The following C8orf34 variants were observed in gnomAD, a reference collection of about 807,000 sequenced individuals.
C8orf34 encodes chromosome 8 open reading frame 34, also known as uncharacterized protein C8orf34.
Under a neutral mutation model 68.3 loss-of-function variants are expected in C8orf34, and 65 were observed. The ratio of observed to expected loss-of-function variants is 0.95; its 90% confidence interval spans 0.78 to 1.17. The LOEUF is 1.17. C8orf34 is among the 50% of genes most tolerant of loss of function. The pLI, the probability that C8orf34 is intolerant of heterozygous loss-of-function variation, is 0.00. For missense variants in C8orf34, 664 were observed against 655.4 expected, an observed-to-expected ratio of 1.01 and a Z score of -0.14; for synonymous variants, 244 against 241.2, an observed-to-expected ratio of 1.01 and a Z score of -0.11.
At chr8:68,614,848 G>C (rs1176698467) in intron 7 of C8orf34, among the ~76,000 whole-genome samples, 2 of 150,660 alleles carry the variant, frequency 1.3e-5, no homozygotes, top group Non-Finnish European at 3.0e-5. Context: ...AGCTTGATGG[G>C]GATGACATTG....
intron 1 of C8orf34, among the ~76,000 whole-genome samples, chr8:68,421,104 CAT>C (rs1809949506): frequency 6.6e-6 from 1 of 152,072 alleles, no homozygotes. Context: ...CACATGTAAA[CAT>C]ATGGTAAAAT....
intron 1 of C8orf34, among the ~76,000 whole-genome samples, chr8:68,404,489 A>G (rs893968924): frequency 2.0e-5 from 3 of 152,040 alleles, no homozygotes; most frequent in Non-Finnish European, 4.4e-5. Flanking sequence ...GTTTTCTTCT[A>G]GGGTTTTTAT....
intron 7 of C8orf34, among the ~76,000 whole-genome samples, chr8:68,612,632 A>G (rs956437329): frequency 2.6e-5 from 4 of 152,312 alleles, no homozygotes; most frequent in African/African-American, 9.6e-5. Context: ...TTTATTAAAC[A>G]TCTATCATAT....
At chr8:68,488,197 C>T (rs2129631583) in intron 5 of C8orf34, 146 bp downstream of exon 5, 3 of 570,188 alleles carry the variant, frequency 5.3e-6, no homozygotes, top group Admixed American at 7.7e-5. Flanking sequence ...AAGTTAAATG[C>T]ATATTGTTTT....
intron 7 of C8orf34, among the ~76,000 whole-genome samples, chr8:68,546,608 T>C (rs910788711): frequency 1.3e-5 from 2 of 151,826 alleles, no homozygotes; most frequent in East Asian, 1.9e-4. Context: ...ATATAGAAGA[T>C]TGGAATAACA....
At chr8:68,599,024 AG>A (rs1817624626) in intron 7 of C8orf34, among the ~76,000 whole-genome samples, 1 of 152,022 alleles carries the variant, frequency 6.6e-6, no homozygotes. Flanking sequence ...GAATTCTAGT[AG>A]AAAAAGAAAA....
chr8:68,697,041 C>CT (rs992305395), intron 8 of C8orf34, among the ~76,000 whole-genome samples: 1 of 151,758 alleles, frequency 6.6e-6, no homozygotes, highest in Non-Finnish European at 1.5e-5. Context: ...TAACTTTTAA[C>CT]TTTTTTTTAT....
rs1482733426 is a variant in C8orf34, at chr8:68,331,353, G to T, written c.327+14G>T. On this transcript the variant is annotated intron_variant, in intron 1 of 13. Transcript: ENST00000518698. ...CCCCTGTTTGAGGTAAGGCGCTGTG[G>T]AGGAGGGCAGTCCCGTTGTCTTTAG... 1.3e-6 allele frequency: 2 copies of T among 1,535,816 alleles called. No homozygotes were observed. Among genetic ancestry groups the T allele is most frequent in the Non-Finnish European group, 1.7e-6 (2 of 1,146,484 alleles).
chr8:68,746,642 G>C (rs1222088225), intron 10 of C8orf34, among the ~76,000 whole-genome samples: 1 of 148,848 alleles, frequency 6.7e-6, no homozygotes, highest in Non-Finnish European at 1.5e-5. Context: ...AGAAGAAATG[G>C]ATAAATTCCT....
intron 10 of C8orf34, among the ~76,000 whole-genome samples, chr8:68,760,614 TA>T (rs1822997964): frequency 6.6e-6 from 1 of 152,220 alleles, no homozygotes; most frequent in African/African-American, 2.4e-5. Flanking sequence ...TATTACTTAT[TA>T]AATTCTCATA....
At chr8:68,395,711 C>T (rs1441278382) in intron 1 of C8orf34, among the ~76,000 whole-genome samples, 1 of 152,056 alleles carries the variant, frequency 6.6e-6, no homozygotes, top group Non-Finnish European at 1.5e-5. Context: ...ACAACTGTTA[C>T]ATTAGAACTA....
chr8:68,480,713 C>T (rs1365624056), intron 4 of C8orf34, among the ~76,000 whole-genome samples: 1 of 151,950 alleles, frequency 6.6e-6, no homozygotes, highest in African/African-American at 2.4e-5. Context: ...AAGAGACTGG[C>T]AGCATTTTAT....
chr8:68,443,842 TA>T (rs767511331), intron 2 of C8orf34, among the ~76,000 whole-genome samples: 20 of 152,188 alleles, frequency 1.3e-4, no homozygotes, highest in Admixed American at 3.3e-4. Context: ...ATTTTCTCCT[TA>T]AAAGTCTATC....
intron 1 of C8orf34, among the ~76,000 whole-genome samples, chr8:68,430,868 T>A (rs1451033332): frequency 6.6e-6 from 1 of 152,094 alleles, no homozygotes. Flanking sequence ...ACCCCTCTTC[T>A]CTAAACATTT....
intron 8 of C8orf34, among the ~76,000 whole-genome samples, chr8:68,694,512 T>C (rs1416201319): frequency 2.6e-5 from 4 of 152,130 alleles, no homozygotes; most frequent in South Asian, 2.1e-4. Flanking sequence ...TAATATCTAT[T>C]CTTGCTTAAA....
intron 5 of C8orf34, among the ~76,000 whole-genome samples, chr8:68,521,016 A>C (rs1376579671): frequency 6.6e-6 from 1 of 152,238 alleles, no homozygotes; most frequent in African/African-American, 2.4e-5. Flanking sequence ...TTTCCTCAGC[A>C]TATCAAGCAG....
chr8:68,431,431 C>G (rs549590229), intron 1 of C8orf34, among the ~76,000 whole-genome samples: 1 of 152,148 alleles, frequency 6.6e-6, no homozygotes, highest in Non-Finnish European at 1.5e-5. Flanking sequence ...TTTGCTCTTT[C>G]CACTGTCACC....
At chr8:68,710,937 G>A (rs1265778587) in intron 9 of C8orf34, among the ~76,000 whole-genome samples, 5 of 152,116 alleles carry the variant, frequency 3.3e-5, no homozygotes, top group East Asian at 1.9e-4. Flanking sequence ...TACCTCCCCC[G>A]GGGAAGGTGC....
chr8:68,734,165 CA>C (rs1397990661), intron 10 of C8orf34, among the ~76,000 whole-genome samples: 1 of 151,966 alleles, frequency 6.6e-6, no homozygotes, highest in Non-Finnish European at 1.5e-5. Flanking sequence ...CAAATAATAT[CA>C]AGAAAAGGTA....
Sources: allele counts gnomAD v4.1 joint callset (sites outside exome capture counted in the v4.1 genomes callset), GRCh38; gene constraint gnomAD v4.1.1; transcripts MANE v1.5; gene names NCBI Gene and HGNC (gene_info 2026-07-23, HGNC 2026-07-21).